Variants in DIP2A observed in about 807,000 individuals in gnomAD.
The protein encoded by DIP2A is disco-interacting protein 2 homolog A.
A neutral mutation model predicts 177.4 loss-of-function variants in DIP2A; 85 were observed. The observed-to-expected ratio is 0.48, with a 90% confidence interval of 0.40 to 0.57. The LOEUF (loss-of-function observed/expected upper bound fraction) is 0.57, where lower values mean the gene tolerates loss of function less well. Ranked by LOEUF, DIP2A falls within the 20% of genes least tolerant of loss-of-function variation. The probability of loss-of-function intolerance (pLI) is 0.00; values close to 1 mark genes in which losing one functional copy is unlikely to be tolerated. For missense variants in DIP2A, 1,791 were observed against 2,100.2 expected (o/e 0.85, Z 2.88); for synonymous variants, 886 against 881.8 (o/e 1.00, Z -0.08).
At chr21:46,480,718 A>T (rs751178178) in intron 1 of DIP2A, among the ~76,000 whole-genome samples, 1 of 152,216 alleles carries the variant, frequency 6.6e-6, no homozygotes, top group South Asian at 2.1e-4. Flanking sequence ...TGTCCAGCTC[A>T]CTTGGGTCCA....
At chr21:46,583,408 TCTC>T in the DIP2A span, among the ~76,000 whole-genome samples, 14,657 of 152,182 alleles carry the variant, frequency 0.096, 912 homozygotes, top group East Asian at 0.33. Flanking sequence ...TATACATTCT[TCTC>T]AACTGCACAT....
chr21:46,580,142 C>T, the DIP2A span, among the ~76,000 whole-genome samples: 1 of 152,088 alleles, frequency 6.6e-6, no homozygotes, highest in Admixed American at 6.5e-5. Context: ...CCTGTATTGG[C>T]TGCGTATATA....
Position 46,565,810 on chromosome 21 carries a change from G to A in DIP2A, c.4262G>A (p.Gly1421Glu), listed in dbSNP as rs756039705. The change falls in exon 36 of 38, where the codon GGA (glycine) becomes GAA (glutamate). Residue 1421 changes from glycine (G) to glutamate (E), a missense_variant. Physicochemically the swap from Gly to Glu is moderately conservative, Grantham distance 98. Transcript: ENST00000417564. ...ADHFSARLSF[G>E]DTQTIWARTG... The stretch of plus-strand genomic sequence containing the variant: ...CACTTCAGTGCCCGGCTGAGTTTTG[G>A]AGACACACAGACCATCTGGGCAAGG... 2 of 1,613,990 alleles carry A rather than the reference G, an allele frequency of 1.2e-6. No homozygotes were observed. Among genetic ancestry groups the A allele is most frequent in the South Asian group, 2.2e-5 (2 of 91,078 alleles).
At chr21:46,548,842 T>A (rs1429827150) in intron 21 of DIP2A, among the ~76,000 whole-genome samples, 1 of 152,158 alleles carries the variant, frequency 6.6e-6, no homozygotes, top group East Asian at 1.9e-4. Context: ...AGCTTATCTG[T>A]ATTCTCACCA....
downstream of DIP2A, among the ~76,000 whole-genome samples, chr21:46,572,807 A>G (rs552250403): frequency 3.3e-5 from 5 of 152,344 alleles, no homozygotes; most frequent in African/African-American, 1.2e-4. Flanking sequence ...GCCCTGTACA[A>G]GTGTACTGAT....
rs763749820 is a variant in DIP2A, at chr21:46,533,625, A to T, written c.1407A>T (p.Thr469=). The T allele has an allele frequency of 5.0e-6, 8 of 1,614,026 alleles. No individual in the cohort carries two copies. Among genetic ancestry groups the T allele is most frequent in the Non-Finnish European group, 5.9e-6 (7 of 1,179,870 alleles). The stretch of plus-strand genomic sequence containing the variant: ...AGAAAGGCCTCCCCAAGGCACAGAC[A>T]GGAGAGGTGGCAGCTTTCAAAGGTG... The part of the protein sequence containing the change: ...ACQKGLPKAQ[T]GEVAAFKGWP... The change falls in exon 11 of 38, where the codon ACA becomes ACT. Residue 469 remains threonine (T), a synonymous_variant. Transcript: ENST00000417564.
the DIP2A span, among the ~76,000 whole-genome samples, chr21:46,581,274 G>T: frequency 6.6e-6 from 1 of 152,224 alleles, no homozygotes; most frequent in African/African-American, 2.4e-5. Flanking sequence ...AAGTTCTCAA[G>T]TTGTGTTTTT....
chr21:46,528,027 G>C (rs1371465771), intron 8 of DIP2A, among the ~76,000 whole-genome samples: 1 of 152,134 alleles, frequency 6.6e-6, no homozygotes, highest in African/African-American at 2.4e-5. Flanking sequence ...GCCAGGAGGG[G>C]TGTGTGGTGG....
intron 11 of DIP2A, 124 bp from the exon 12 acceptor site, chr21:46,533,880 G>A (rs751422072): frequency 2.0e-6 from 2 of 993,298 alleles, no homozygotes; most frequent in Non-Finnish European, 3.0e-6. Context: ...AATGAAATGA[G>A]ACTAAAACTT....
At chr21:46,519,174 T>C (rs2058711595) in intron 8 of DIP2A, among the ~76,000 whole-genome samples, 1 of 152,236 alleles carries the variant, frequency 6.6e-6, no homozygotes, top group African/African-American at 2.4e-5. Context: ...TAGTATATAA[T>C]GAGCAGTGAG....
intron 1 of DIP2A, among the ~76,000 whole-genome samples, chr21:46,461,435 T>A (rs2054305923): frequency 6.6e-6 from 1 of 152,102 alleles, no homozygotes; most frequent in Non-Finnish European, 1.5e-5. Flanking sequence ...ATATACGCAG[T>A]TTAGATTCTG....
At chr21:46,477,632 G>A (rs531796168) in intron 1 of DIP2A, among the ~76,000 whole-genome samples, 138 of 142,732 alleles carry the variant, frequency 9.7e-4, no homozygotes, top group South Asian at 4.0e-3. Flanking sequence ...GGAGTACAGT[G>A]CCACTATCTC....
At chr21:46,462,208 C>A (rs957837690) in intron 1 of DIP2A, among the ~76,000 whole-genome samples, 3 of 152,196 alleles carry the variant, frequency 2.0e-5, no homozygotes, top group African/African-American at 7.2e-5. Context: ...CACAGTCACA[C>A]GTGGACCTGC....
chr21:46,546,836 TG>T (rs1466753506), intron 20 of DIP2A, 78 bp from the exon 21 acceptor site: 6 of 1,544,114 alleles, frequency 3.9e-6, no homozygotes, highest in African/African-American at 1.4e-5. Context: ...GGCCCCTTCT[TG>T]GGGGGCCTGA....
At chr21:46,535,586 T>C (rs2059532792) in intron 13 of DIP2A, among the ~76,000 whole-genome samples, 1 of 152,050 alleles carries the variant, frequency 6.6e-6, no homozygotes, top group Non-Finnish European at 1.5e-5. Flanking sequence ...AAATAGAATT[T>C]TTAAAAAAGA....
At chr21:46,549,453 T>C (rs1418180973) in intron 21 of DIP2A, among the ~76,000 whole-genome samples, 1 of 152,194 alleles carries the variant, frequency 6.6e-6, no homozygotes, top group East Asian at 1.9e-4. Flanking sequence ...ATATAATAAA[T>C]AGAACTTTTA....
rs769166092 is a variant in DIP2A at position 46,554,950 on chromosome 21, T to C, written c.3388+17T>C. 1.9e-6 allele frequency: 3 copies of C among 1,546,332 alleles called. No homozygotes were observed. The highest frequency in any genetic ancestry group is 2.6e-6 in the Non-Finnish European group (3 of 1,143,390). On this transcript the variant is annotated intron_variant, in intron 28 of 37. Transcript: ENST00000417564. ...TAGACACAGGTGCGTGTCCTCGCAC[T>C]GCCCAGGACCAGTCCCTTTTCCTTT...
chr21:46,463,134 C>G (rs1259691521), intron 1 of DIP2A: 1 of 152,260 alleles, frequency 6.6e-6, no homozygotes, highest in Non-Finnish European at 1.5e-5. Flanking sequence ...CTTAGACCCC[C>G]TGCCCCCCAA....
downstream of DIP2A, among the ~76,000 whole-genome samples, chr21:46,570,127 T>A (rs559791643): frequency 6.6e-6 from 1 of 152,336 alleles, no homozygotes; most frequent in South Asian, 2.1e-4. Flanking sequence ...AGGACTGCAG[T>A]GAGCCCAGAT....
Sources: allele counts gnomAD v4.1 joint callset (sites outside exome capture counted in the v4.1 genomes callset), GRCh38; gene constraint gnomAD v4.1.1; transcripts MANE v1.5; gene names NCBI Gene and HGNC (gene_info 2026-07-23, HGNC 2026-07-21).